PPP2R2C: variants seen among roughly 807,000 people sequenced by gnomAD.
PPP2R2C encodes the protein protein phosphatase 2 regulatory subunit Bgamma.
In PPP2R2C, 10 loss-of-function variants were observed where a neutral mutation model predicts 45.3. The observed-to-expected ratio is 0.22, with a 90% CI of 0.14 to 0.37. The LOEUF (loss-of-function observed/expected upper bound fraction) is 0.37, where lower values mean the gene tolerates loss of function less well. Ranked by LOEUF, PPP2R2C falls within the 10% of genes least tolerant of loss-of-function variation. The pLI is 1.00. For synonymous variants in PPP2R2C, 257 were observed against 245.4 expected, an observed-to-expected ratio of 1.05 and a Z score of -0.44; for missense variants, 308 against 619.7, an observed-to-expected ratio of 0.50 and a Z score of 5.34.
At position 6,337,780 on chromosome 4, in the gene PPP2R2C, C is replaced by G. The variant is rs113665717; in HGVS notation, c.791-4049G>C. On this transcript the variant is annotated intron_variant, in intron 6 of 8. Coordinates refer to ENST00000382599, the MANE Select transcript of PPP2R2C (RefSeq NM_020416.4). The stretch of plus-strand genomic sequence containing the variant: ...AATCGATAGTGGAAACAAAGCCAAA[C>G]GGCGCTGGCCCTTGTCGCCCCACTG... Among the ~76,000 whole-genome samples, 994 of 150,936 alleles carry G rather than the reference C, an allele frequency of 6.6e-3. 7 individuals carry two copies. Among genetic ancestry groups the G allele is most frequent in the African/African-American group, 0.023 (962 of 41,390 alleles).
intron 1 of PPP2R2C, among the ~76,000 whole-genome samples, chr4:6,549,381 T>C (rs1725104771): frequency 6.6e-6 from 1 of 151,316 alleles, no homozygotes; most frequent in Non-Finnish European, 1.5e-5. Context: ...GACAGACAAC[T>C]CCAGATGGAG....
At chr4:6,557,708 C>A (rs1448415450) in intron 1 of PPP2R2C, among the ~76,000 whole-genome samples, 2 of 152,098 alleles carry the variant, frequency 1.3e-5, no homozygotes, top group African/African-American at 2.4e-5. Flanking sequence ...AAAGGGGAGT[C>A]TGGATTGGGA....
At chr4:6,560,843 C>G (rs1044236112) in intron 1 of PPP2R2C, among the ~76,000 whole-genome samples, 1 of 152,232 alleles carries the variant, frequency 6.6e-6, no homozygotes, top group African/African-American at 2.4e-5. Context: ...GTGCTGTGAG[C>G]ATGGAGCGTG....
At chr4:6,400,629 A>C (rs901275137) in intron 1 of PPP2R2C, among the ~76,000 whole-genome samples, 3 of 152,242 alleles carry the variant, frequency 2.0e-5, no homozygotes, top group Non-Finnish European at 4.4e-5. Context: ...TAAGCAACTA[A>C]GGTATCTATT....
chr4:6,464,053 C>T (rs1721467714), intron 1 of PPP2R2C, among the ~76,000 whole-genome samples: 1 of 152,158 alleles, frequency 6.6e-6, no homozygotes, highest in Non-Finnish European at 1.5e-5. Context: ...TCAGCTCTGT[C>T]CCTTACAAAC....
rs1166158654 is a variant in PPP2R2C at position 6,384,736 on chromosome 4, A to G, written c.71-3642T>C. The G allele has an allele frequency of 5.1e-6, 5 of 985,376 alleles. No individual in the cohort carries two copies. The African/African-American group carries it at 8.7e-5, about 17-fold the overall frequency. The allele number at this position is 985,376 out of a possible 1,614,324, so 61.0% of individuals were successfully genotyped here. A position where few individuals can be genotyped will look rare whatever the true frequency, so the allele number is the denominator to read the frequency against. On this transcript the variant is annotated intron_variant, in intron 1 of 8. Coordinates refer to ENST00000382599, the MANE Select transcript of PPP2R2C (RefSeq NM_020416.4). ...AATTTACAATTTATATGTCATTTTC[A>G]TATCTGCTACCTCCTTTAACCTCAC...
At chr4:6,514,813 G>A (rs1452597365) in intron 2 of PPP2R2C, among the ~76,000 whole-genome samples, 2 of 152,178 alleles carry the variant, frequency 1.3e-5, no homozygotes, top group Admixed American at 6.6e-5. Flanking sequence ...TGTCAGCAGG[G>A]CCATGCCTTC....
chr4:6,324,827 C>T lies in PPP2R2C; in HGVS notation c.1053-1234G>A, dbSNP rs1731822879. 6.6e-6 allele frequency among the ~76,000 whole-genome samples: 1 copy of T among 152,162 alleles called. No individual in the cohort carries two copies. Among genetic ancestry groups the T allele is most frequent in the Non-Finnish European group, 1.5e-5 (1 of 68,012 alleles). ...AAAGCACAGTTCTGTGGGCCTGCGC[C>T]CAGAGGGAGGGTTTTGGGGTTTGGC... On this transcript the variant is annotated intron_variant, in intron 8 of 8. Coordinates refer to ENST00000382599, the MANE Select transcript of PPP2R2C (RefSeq NM_020416.4). This position sits in a 1 kb window ranked among gnomAD's most constrained non-coding sequence, Gnocchi z 4.1.
rs562229904 is a variant in PPP2R2C at position 6,458,664 on chromosome 4, G to C, written c.70+13496C>G. On this transcript the variant is annotated intron_variant, in intron 1 of 8. Coordinates refer to ENST00000382599, the MANE Select transcript of PPP2R2C (RefSeq NM_020416.4). ...TTTGCTGTCTGTGCATGAACTAACA[G>C]GTGTGTACAAGCAATCAGCAATGGC... is the stretch of plus-strand genomic sequence containing the variant. Among the ~76,000 whole-genome samples the C allele has an allele frequency of 1.2e-4, 18 of 152,274 alleles. No homozygotes were observed. The South Asian group carries it at 3.7e-3, about 32-fold the overall frequency.
chr4:6,374,571 G>GGTTTTTTTTTTTACAGAA (rs1307882362), intron 4 of PPP2R2C, among the ~76,000 whole-genome samples: 1 of 152,228 alleles, frequency 6.6e-6, no homozygotes, highest in Non-Finnish European at 1.5e-5. Flanking sequence ...CAGAGGTGAA[G>GGTTTTTTTTTTTACAGAA]GCCAGTAGGG....
At chr4:6,483,680 CAT>C (rs1194187475) in intron 2 of PPP2R2C, among the ~76,000 whole-genome samples, 1 of 152,100 alleles carries the variant, frequency 6.6e-6, no homozygotes, top group Non-Finnish European at 1.5e-5. Context: ...AGATACAAGC[CAT>C]TTATCAGACA....
In PPP2R2C at chr4:6,329,774, C is replaced by A. The variant is rs921925610; in HGVS notation, c.961-421G>T. On this transcript the variant is annotated intron_variant, in intron 7 of 8. Coordinates refer to ENST00000382599, the MANE Select transcript of PPP2R2C (RefSeq NM_020416.4). This position sits in a 1 kb window ranked among gnomAD's most constrained non-coding sequence, Gnocchi z 5.8. ...AGAGTCCACTGTGACAAACAGAACG[C>A]TCACAGCACAGGGGCCAGGACCACC... Among the ~76,000 whole-genome samples, 1 of 152,214 alleles carries A rather than the reference C, an allele frequency of 6.6e-6. No homozygotes were observed. Among genetic ancestry groups the A allele is most frequent in the African/African-American group, 2.4e-5 (1 of 41,460 alleles).
intron 1 of PPP2R2C, among the ~76,000 whole-genome samples, chr4:6,400,082 C>T (rs776708227): frequency 6.6e-6 from 1 of 152,236 alleles, no homozygotes; most frequent in African/African-American, 2.4e-5. Flanking sequence ...TTTCACCCAT[C>T]ACCTAAATCA....
chr4:6,515,610 A>G (rs1036768421), intron 2 of PPP2R2C, among the ~76,000 whole-genome samples: 1 of 152,256 alleles, frequency 6.6e-6, no homozygotes, highest in Non-Finnish European at 1.5e-5. Context: ...AATGCCTTGC[A>G]TATAAACACA....
intron 1 of PPP2R2C, among the ~76,000 whole-genome samples, chr4:6,432,768 A>G (rs1283977055): frequency 6.6e-6 from 1 of 152,202 alleles, no homozygotes; most frequent in Non-Finnish European, 1.5e-5. Context: ...TTAGGAAAAA[A>G]TCTTTAGGCT....
At chr4:6,379,504 AG>A (rs1715612616) in intron 2 of PPP2R2C, among the ~76,000 whole-genome samples, 1 of 152,260 alleles carries the variant, frequency 6.6e-6, no homozygotes, top group African/African-American at 2.4e-5. Flanking sequence ...ACTTCCCATG[AG>A]CACTCGCTAT....
chr4:6,547,610 A>G (rs988647010), intron 1 of PPP2R2C, among the ~76,000 whole-genome samples: 2 of 152,116 alleles, frequency 1.3e-5, no homozygotes, highest in Non-Finnish European at 2.9e-5. Context: ...GGCAGGAGAG[A>G]AGTGCCCAGG....
Position 6,351,565 on chromosome 4 carries a change from G to C in PPP2R2C, c.626-3555C>G, listed in dbSNP as rs929318914. On this transcript the variant is annotated intron_variant, in intron 5 of 8. Coordinates refer to ENST00000382599, the MANE Select transcript of PPP2R2C (RefSeq NM_020416.4). The stretch of plus-strand genomic sequence containing the variant: ...GACCCATGGGGGAGCCATCACAGGG[G>C]AATCTCTCCTGCTCTTTCTCTCTGT... Among the ~76,000 whole-genome samples, 3 of 152,120 alleles carry C rather than the reference G, an allele frequency of 2.0e-5. No individual in the cohort carries two copies. In the East Asian group the frequency reaches 5.8e-4, roughly 29 times the overall value.
At chr4:6,400,991 G>A (rs1300979847) in intron 1 of PPP2R2C, among the ~76,000 whole-genome samples, 2 of 152,160 alleles carry the variant, frequency 1.3e-5, no homozygotes, top group Non-Finnish European at 2.9e-5. Flanking sequence ...AAGTAGAGAC[G>A]TTCCCACACA....
Sources: gnomAD v4.1 joint callset for allele counts (sites outside exome capture counted in the v4.1 genomes callset) on GRCh38, gnomAD v4.1.1 for gene constraint, Gnocchi (gnomAD v3.1) non-coding constraint, MANE v1.5 for transcripts, NCBI Gene and HGNC (gene_info 2026-07-23, HGNC 2026-07-21) for gene names.